OR9G1: variants seen among roughly 807,000 people sequenced by gnomAD.
OR9G1 encodes the protein olfactory receptor 9G1.
OR9G1 carries 21 observed loss-of-function variants against 14.5 expected under a neutral mutation model. The observed-to-expected ratio is 1.45, with a 90% confidence interval of 1.03 to 2.09. OR9G1 has a LOEUF of 2.09. Among genes scored for constraint, OR9G1 ranks in the 30% most tolerant of loss-of-function variants. The probability of loss-of-function intolerance (pLI) is 0.00; values close to 1 mark genes in which losing one functional copy is unlikely to be tolerated. For synonymous variants in OR9G1, 179 were observed against 153.3 expected, an observed-to-expected ratio of 1.17 and a Z score of -1.24; for missense variants, 476 against 364.2, an observed-to-expected ratio of 1.31 and a Z score of -2.50.
rs949397276 is a variant in OR9G1, at chr11:56,702,538, C to A, written c.*1233C>A. 2.8e-4 allele frequency: 42 copies of A among 152,372 alleles called. No individual in the cohort carries two copies. The highest frequency in any genetic ancestry group is 9.6e-4 in the African/African-American group (40 of 41,596). 9.4% of individuals were successfully genotyped at this position (152,372 alleles called of 1,614,324 possible). ...ATGGAGTATAAGAGTTCCCTTTACT[C>A]CACATCCTGGCCAATGCTTGATAAT... On this transcript the variant is annotated 3_prime_UTR_variant, in exon 2 of 2. Coordinates refer to ENST00000642097, the MANE Select transcript of OR9G1 (RefSeq NM_001005213.2).
chr11:56,700,227 G>GT, intron 1 of OR9G1, 143 bp from the exon 2 acceptor site: 1 of 1,305,920 alleles, frequency 7.7e-7, no homozygotes, highest in Non-Finnish European at 1.0e-6. Context: ...AAGCCTGATT[G>GT]TTGCAAAATG....
In OR9G1 at chr11:56,701,263, G is replaced by A. The variant is rs558541089; in HGVS notation, c.876G>A (p.Arg292=). The A allele has an allele frequency of 6.8e-6, 11 of 1,613,058 alleles. No individual in the cohort carries two copies. Among genetic ancestry groups the A allele is most frequent in the East Asian group, 2.2e-5 (1 of 44,892 alleles). ...TGAATCTCATGATCTACAGCCTAAGGAATAAGGATGTGAAAGAGGCTCTGA... is the reference window on the plus strand; with the variant it reads ...TGAATCTCATGATCTACAGCCTAAGAAATAAGGATGTGAAAGAGGCTCTGA... ...PMLNLMIYSL[R]NKDVKEALKK... is the part of the protein sequence containing the mutation. The change falls in exon 2 of 2, where the codon AGG becomes AGA. Residue 292 remains arginine (R), a synonymous_variant. Coordinates refer to ENST00000642097, the MANE Select transcript of OR9G1 (RefSeq NM_001005213.2).
At position 56,700,836 on chromosome 11, in the gene OR9G1, G is replaced by A. The variant is rs1232671333; in HGVS notation, c.449G>A (p.Gly150Asp). 7 of 1,614,312 alleles carry A rather than the reference G, an allele frequency of 4.3e-6. No homozygotes were observed. Among genetic ancestry groups the A allele is most frequent in the Non-Finnish European group, 5.9e-6 (7 of 1,180,054 alleles). Residue 150 changes from glycine to aspartate, a missense_variant, in exon 2 of 2, where the codon GGT becomes GAT. By Grantham distance (94) the Gly-to-Asp change is moderately conservative (BLOSUM62 -1). Around this residue, in one of 3 missense-constraint regions of OR9G1, gnomAD observed 352 missense variants for 211.6 expected, o/e 1.66. Transcript: ENST00000642097. ...TTGCTGGTAGCAGTCTCATATTGTG[G>A]TGGCTTTATTAACTCTTCAATCATC... ...CALLVAVSYC[G>D]GFINSSIITK...
chr11:56,699,871 CTT>C (rs1857578875), intron 1 of OR9G1, among the ~76,000 whole-genome samples: 1 of 152,188 alleles, frequency 6.6e-6, no homozygotes, highest in South Asian at 2.1e-4. Flanking sequence ...TCTCTTTTCC[CTT>C]TATACTTTTC....
chr11:56,700,984 C>T lies in OR9G1; in HGVS notation c.597C>T (p.Tyr199=), dbSNP rs749105965. ...AGGGCGGCTATAAAATTATGATGTA[C>T]TTCCTGCTGGCCTCCAATGTCATCT... ...GEKGGYKIMM[Y]FLLASNVICP... The change falls in exon 2 of 2, where the codon TAC becomes TAT. Residue 199 remains tyrosine (Y), a synonymous_variant. Transcript: ENST00000642097. 1.2e-6 allele frequency: 2 copies of T among 1,614,258 alleles called. No homozygotes were observed. Among genetic ancestry groups the T allele is most frequent in the South Asian group, 2.2e-5 (2 of 91,092 alleles).
Position 56,701,290 on chromosome 11 carries a change from A to T in OR9G1, c.903A>T (p.Lys301Asn). ...ATAAGGATGTGAAAGAGGCTCTGAAAAAACTTCTCCCATAAATCAAGATTA... is the reference window on the plus strand; with the variant it reads ...ATAAGGATGTGAAAGAGGCTCTGAATAAACTTCTCCCATAAATCAAGATTA... ...LRNKDVKEAL[K>N]KLLP Residue 301 changes from lysine to asparagine, a missense_variant, in exon 2 of 2, where the codon AAA (lysine) becomes AAT (asparagine). Lys to Asn is a moderately conservative substitution (Grantham distance 94). This residue lies in a region of OR9G1 where 352 missense variants were observed against 211.6 expected (regional missense o/e 1.66). Coordinates refer to ENST00000642097, the MANE Select transcript of OR9G1 (RefSeq NM_001005213.2). The T allele has an allele frequency of 6.2e-7, 1 of 1,605,518 alleles. No homozygotes were observed. Among genetic ancestry groups the T allele is most frequent in the Non-Finnish European group, 8.5e-7 (1 of 1,177,626 alleles).
At chr11:56,700,333 C>G (rs765111905) in intron 1 of OR9G1, 37 bp from the exon 2 acceptor site, 1 of 1,599,348 alleles carries the variant, frequency 6.3e-7, no homozygotes, top group Admixed American at 1.7e-5. Flanking sequence ...ATATTCATGA[C>G]AGTAATGCAA....
At position 56,701,398 on chromosome 11, in the gene OR9G1, T is replaced by C; in HGVS notation, c.*93T>C. ...GAGTTACCATTGTGCTTTATCGTGA[T>C]CAGTCCCCTTCTTGACACGTGAGAG... On this transcript the variant is annotated 3_prime_UTR_variant, in exon 2 of 2. Transcript: ENST00000642097. 1 of 1,479,456 alleles carries C rather than the reference T, an allele frequency of 6.8e-7. No homozygotes were observed. 91.6% of individuals were successfully genotyped at this position (1,479,456 alleles called of 1,614,324 possible).
At position 56,701,164 on chromosome 11, in the gene OR9G1, T is replaced by C. The variant is rs758913474; in HGVS notation, c.777T>C (p.Ala259=). 1.9e-6 allele frequency: 3 copies of C among 1,614,314 alleles called. No individual in the cohort carries two copies. Among genetic ancestry groups the C allele is most frequent in the South Asian group, 1.1e-5 (1 of 91,092 alleles). Residue 259 remains alanine, a synonymous_variant, in exon 2 of 2, where the codon GCT becomes GCC. Transcript: ENST00000642097. The part of the protein sequence containing the change: ...LYYGSILYIY[A]LPRSSYSFDM... ...ATGGCTCCATTCTCTACATCTACGC[T>C]CTCCCCAGATCTAGCTATTCTTTTG...
Position 56,700,879 on chromosome 11 carries a change from C to A in OR9G1, c.492C>A (p.Ser164=), listed in dbSNP as rs750670007. The change falls in exon 2 of 2, where the codon TCC becomes TCA. Residue 164 remains serine, a synonymous_variant. Transcript: ENST00000642097. The stretch of plus-strand genomic sequence containing the variant: ...CAATCATCACCAAGAAAACGTTTTC[C>A]TTTAACTTCTGCCGTGAAAACATCA... ...NSSIITKKTF[S]FNFCRENIID... 1.9e-6 allele frequency: 3 copies of A among 1,614,262 alleles called. No homozygotes were observed. The South Asian group carries it at 3.3e-5, about 18-fold the overall frequency.
intron 1 of OR9G1, among the ~76,000 whole-genome samples, chr11:56,699,788 T>C (rs1164146265): frequency 6.6e-6 from 1 of 152,312 alleles, no homozygotes; most frequent in East Asian, 1.9e-4. Context: ...ATATAGTAAA[T>C]ACTGTGTACT....
rs1447274235 is a variant in OR9G1, at chr11:56,701,009, T to C, written c.622T>C (p.Cys208Arg). 2.5e-6 allele frequency: 4 copies of C among 1,614,272 alleles called. No individual in the cohort carries two copies. In the South Asian group the frequency reaches 4.4e-5, roughly 18 times the overall value. The change falls in exon 2 of 2, where the codon TGC becomes CGC. Residue 208 changes from cysteine to arginine, a missense_variant. By Grantham distance (180) the Cys-to-Arg change is radical (BLOSUM62 -3). Coordinates refer to ENST00000642097, the MANE Select transcript of OR9G1 (RefSeq NM_001005213.2). ...MYFLLASNVI[C>R]PAVLILASYL... Reference sequence around the variant, plus strand: ...CTTCCTGCTGGCCTCCAATGTCATCTGCCCCGCAGTGCTCATCCTGGCCTC... The same window carrying C: ...CTTCCTGCTGGCCTCCAATGTCATCCGCCCCGCAGTGCTCATCCTGGCCTC...
At position 56,701,156 on chromosome 11, in the gene OR9G1, A is replaced by T; in HGVS notation, c.769A>T (p.Ile257Phe). 6.2e-7 allele frequency: 1 copy of T among 1,614,316 alleles called. No homozygotes were observed. The highest frequency in any genetic ancestry group is 2.2e-5 in the East Asian group (1 of 44,896). ...TTTATACTATGGCTCCATTCTCTACATCTACGCTCTCCCCAGATCTAGCTA... is the reference window on the plus strand; with the variant it reads ...TTTATACTATGGCTCCATTCTCTACTTCTACGCTCTCCCCAGATCTAGCTA... ...VTLYYGSILY[I>F]YALPRSSYSF... The change falls in exon 2 of 2, where the codon ATC (isoleucine) becomes TTC (phenylalanine). Residue 257 changes from isoleucine (I) to phenylalanine (F), a missense_variant. Ile to Phe is a conservative substitution (Grantham distance 21, BLOSUM62 0). Coordinates refer to ENST00000642097, the MANE Select transcript of OR9G1 (RefSeq NM_001005213.2).
rs2135021166 is a variant in OR9G1, at chr11:56,702,192, AG to A, written c.*889del. ...TATTTCACTTAGCATAATGTCTTCTAGGTTTATTCACGTTGTTGTAGGTGAC... is the reference window on the plus strand; with the variant it reads ...TATTTCACTTAGCATAATGTCTTCTAGTTTATTCACGTTGTTGTAGGTGAC... On this transcript the variant is annotated 3_prime_UTR_variant, in exon 2 of 2. Transcript: ENST00000642097. The A allele has an allele frequency of 6.6e-6, 1 of 152,422 alleles. No individual in the cohort carries two copies. The highest frequency in any genetic ancestry group is 2.1e-4 in the South Asian group (1 of 4,834). The allele number at this position is 152,422 out of a possible 1,614,324, so 9.4% of individuals were successfully genotyped here. A position where few individuals can be genotyped will look rare whatever the true frequency, so the allele number is the denominator to read the frequency against.
chr11:56,700,591 G>A lies in OR9G1; in HGVS notation c.204G>A (p.Leu68=), dbSNP rs373413715. 6.2e-7 allele frequency: 1 copy of A among 1,614,200 alleles called. No homozygotes were observed. Among genetic ancestry groups the A allele is most frequent in the African/African-American group, 1.3e-5 (1 of 74,968 alleles). ...TTTTCACTGGAAATCTGTCGTTTCT[G>A]GATCTCTGGTATTCTTCTGTCTACA... ...MYFFTGNLSF[L]DLWYSSVYTP... is the part of the protein sequence containing the mutation. The change falls in exon 2 of 2, where the codon CTG becomes CTA. Residue 68 remains leucine, a synonymous_variant. Transcript: ENST00000642097.
At position 56,701,624 on chromosome 11, in the gene OR9G1, G is replaced by T; in HGVS notation, c.*319G>T. On this transcript the variant is annotated 3_prime_UTR_variant, in exon 2 of 2. Transcript: ENST00000642097. ...TTGGCTAACTGATACATATAGAAGA[G>T]TATCTATATAGTTCCTAGAACTAGG... is the stretch of plus-strand genomic sequence containing the variant. 2 of 304,536 alleles carry T rather than the reference G, an allele frequency of 6.6e-6. No homozygotes were observed. The highest frequency in any genetic ancestry group is 1.2e-5 in the Non-Finnish European group (2 of 168,092). The allele number at this position is 304,536 out of a possible 1,614,324, so 18.9% of individuals were successfully genotyped here.
rs147969762 is a variant in OR9G1, at chr11:56,700,947, C to T, written c.560C>T (p.Ala187Val). 68 of 1,614,030 alleles carry T rather than the reference C, an allele frequency of 4.2e-5. No homozygotes were observed. The South Asian group carries it at 6.2e-4, about 15-fold the overall frequency. ...GATTTGCTTCCCTTGGTGGAGCTGG[C>T]CTGTGGCGAGAAGGGCGGCTATAAA... ...FCDLLPLVEL[A>V]CGEKGGYKIM... Residue 187 changes from alanine (A) to valine (V), a missense_variant, in exon 2 of 2, where the codon GCC (alanine) becomes GTC (valine). Around this residue, in one of 3 missense-constraint regions of OR9G1, gnomAD observed 352 missense variants for 211.6 expected, o/e 1.66. Transcript: ENST00000642097.
chr11:56,699,840 T>C (rs1857577832), intron 1 of OR9G1, among the ~76,000 whole-genome samples: 4 of 152,310 alleles, frequency 2.6e-5, no homozygotes, highest in Admixed American at 2.6e-4. Context: ...GTACACATTT[T>C]CCCCAAAACA....
At position 56,700,909 on chromosome 11, in the gene OR9G1, T is replaced by C. The variant is rs201542034; in HGVS notation, c.522T>C (p.Asp174=). ...SFNFCRENII[D]DFFCDLLPLV... Reference sequence around the variant, plus strand: ...ACTTCTGCCGTGAAAACATCATTGATGACTTTTTCTGTGATTTGCTTCCCT... The same window carrying C: ...ACTTCTGCCGTGAAAACATCATTGACGACTTTTTCTGTGATTTGCTTCCCT... Residue 174 remains aspartate (D), a synonymous_variant, in exon 2 of 2, where the codon GAT becomes GAC. Coordinates refer to ENST00000642097, the MANE Select transcript of OR9G1 (RefSeq NM_001005213.2). 1 of 1,614,250 alleles carries C rather than the reference T, an allele frequency of 6.2e-7. No individual in the cohort carries two copies. Among genetic ancestry groups the C allele is most frequent in the Non-Finnish European group, 8.5e-7 (1 of 1,180,016 alleles).
Sources: allele counts gnomAD v4.1 joint callset (sites outside exome capture counted in the v4.1 genomes callset), GRCh38; gene constraint gnomAD v4.1.1; regional missense constraint gnomAD v4.1.1; transcripts MANE v1.5; gene names NCBI Gene and HGNC (gene_info 2026-07-23, HGNC 2026-07-21).